Variants in XPO7 observed in about 807,000 individuals in gnomAD.
XPO7 encodes exportin-7.
In XPO7, 21 loss-of-function variants were observed where a neutral mutation model predicts 144.3. The ratio of observed to expected loss-of-function variants is 0.15; its 90% CI spans 0.10 to 0.21. The LOEUF (loss-of-function observed/expected upper bound fraction) is 0.21, where lower values mean the gene tolerates loss of function less well. Among genes scored for constraint, XPO7 ranks in the 10% least tolerant of loss-of-function variants. The pLI, the probability that XPO7 is intolerant of heterozygous loss-of-function variation, is 1.00. For synonymous variants in XPO7, 580 were observed against 499.6 expected (o/e 1.16, Z -2.15); for missense variants, 808 against 1,325.8 (o/e 0.61, Z 6.06).
At chr8:21,969,026 A>G (rs961040540) in intron 2 of XPO7, among the ~76,000 whole-genome samples, 1 of 152,244 alleles carries the variant, frequency 6.6e-6, no homozygotes, top group Admixed American at 6.5e-5. Flanking sequence ...ACTATACAGC[A>G]TAGTGTGATG....
At chr8:21,922,921 T>C (rs1810336290) in intron 1 of XPO7, among the ~76,000 whole-genome samples, 1 of 152,188 alleles carries the variant, frequency 6.6e-6, no homozygotes, top group Non-Finnish European at 1.5e-5. Context: ...GCACAGTAAT[T>C]AAATATTGAC....
rs145630580 is a variant in XPO7, at chr8:21,968,124, T to TTG, written c.165+1130_165+1131dup. 5.9e-3 allele frequency among the ~76,000 whole-genome samples: 897 copies of TTG among 152,280 alleles called. 7 individuals carry two copies. The highest frequency in any genetic ancestry group is 0.02 in the African/African-American group (823 of 41,556). ...AAGGCACATATATTAGCCATCATTC[T>TTG]TGTGTGTGTGGAAAAAGGTGAAAAT... is the stretch of plus-strand genomic sequence containing the variant. On this transcript the variant is annotated intron_variant, in intron 2 of 27. Transcript: ENST00000252512.
intron 7 of XPO7, among the ~76,000 whole-genome samples, chr8:21,977,405 C>T (rs1051110766): frequency 1.3e-5 from 2 of 152,034 alleles, no homozygotes; most frequent in East Asian, 3.9e-4. Flanking sequence ...ATGGTGAAAC[C>T]CCGTCTCTAC....
intron 1 of XPO7, among the ~76,000 whole-genome samples, chr8:21,921,239 G>A (rs1012482064): frequency 6.6e-6 from 1 of 152,110 alleles, no homozygotes; most frequent in Non-Finnish European, 1.5e-5. Context: ...AAAAATTCTT[G>A]GATCTTACAA....
chr8:21,966,627 T>C (rs1382094635), intron 1 of XPO7, among the ~76,000 whole-genome samples: 1 of 98,776 alleles, frequency 1.0e-5, no homozygotes, highest in African/African-American at 5.3e-5. Flanking sequence ...CTCAAGGGAA[T>C]GATGAAAAAG....
At chr8:21,973,305 A>G (rs1180850552) in intron 5 of XPO7, among the ~76,000 whole-genome samples, 1 of 152,258 alleles carries the variant, frequency 6.6e-6, no homozygotes, top group Non-Finnish European at 1.5e-5. Flanking sequence ...TGATATATGT[A>G]TAATAAAAAA....
intron 5 of XPO7, among the ~76,000 whole-genome samples, chr8:21,972,490 A>C (rs1812099008): frequency 6.6e-6 from 1 of 152,162 alleles, no homozygotes; most frequent in South Asian, 2.1e-4. Context: ...AAAAAGCAAA[A>C]TACTACTGCC....
In XPO7 at chr8:21,979,723, T is replaced by A. The variant is rs537153935; in HGVS notation, c.838-361T>A. 6.6e-5 allele frequency among the ~76,000 whole-genome samples: 10 copies of A among 152,330 alleles called. No homozygotes were observed. In the East Asian group the frequency reaches 1.5e-3, roughly 24 times the overall value. On this transcript the variant is annotated intron_variant, in intron 8 of 27. Coordinates refer to ENST00000252512, the MANE Select transcript of XPO7 (RefSeq NM_015024.5). Reference sequence around the variant, plus strand: ...CACCCGGCCGATACGCTTATTTCTTTATAGCATGTAATGACATAAGCACAT... The same window carrying A: ...CACCCGGCCGATACGCTTATTTCTTAATAGCATGTAATGACATAAGCACAT...
intron 1 of XPO7, among the ~76,000 whole-genome samples, chr8:21,954,112 A>G (rs916213019): frequency 4.6e-5 from 7 of 152,204 alleles, no homozygotes; most frequent in Non-Finnish European, 7.3e-5. Context: ...CCTAAGTACA[A>G]TTGTTTGAAT....
chr8:21,930,394 A>G (rs776862839), intron 1 of XPO7, among the ~76,000 whole-genome samples: 9 of 152,326 alleles, frequency 5.9e-5, no homozygotes, highest in East Asian at 5.8e-4. Context: ...ATGTATGCCA[A>G]TAAGGGTTAT....
At chr8:21,985,377 T>C (rs953169984) in intron 12 of XPO7, among the ~76,000 whole-genome samples, 1 of 152,220 alleles carries the variant, frequency 6.6e-6, no homozygotes, top group African/African-American at 2.4e-5. Context: ...CTAAAAATAA[T>C]GGCCTTGTCT....
At chr8:21,944,535 CCA>C in intron 1 of XPO7, among the ~76,000 whole-genome samples, 1 of 151,938 alleles carries the variant, frequency 6.6e-6, no homozygotes, top group Non-Finnish European at 1.5e-5. Context: ...CCACTGTACT[CCA>C]GCCTGGGCGA....
intron 21 of XPO7, 61 bp from the exon 22 acceptor site, chr8:21,998,694 A>G: frequency 6.8e-7 from 1 of 1,460,390 alleles, no homozygotes. Context: ...GAGAGCCTCA[A>G]GTACCCCAGT....
At chr8:21,925,789 C>T (rs1214879101) in intron 1 of XPO7, among the ~76,000 whole-genome samples, 3 of 152,104 alleles carry the variant, frequency 2.0e-5, no homozygotes, top group Non-Finnish European at 2.9e-5. Flanking sequence ...AATATAGCAC[C>T]GTGTTCTCAA....
intron 7 of XPO7, among the ~76,000 whole-genome samples, chr8:21,976,840 G>A (rs1226787087): frequency 6.6e-6 from 1 of 152,114 alleles, no homozygotes; most frequent in Non-Finnish European, 1.5e-5. Flanking sequence ...TTTATGTTTT[G>A]TAGAAGTGGG....
chr8:21,930,271 C>A (rs191658885), intron 1 of XPO7, among the ~76,000 whole-genome samples: 27 of 152,228 alleles, frequency 1.8e-4, no homozygotes, highest in African/African-American at 6.0e-4. Context: ...GTAAACATTC[C>A]CTCATTTGGC....
At chr8:21,939,828 AAGG>A (rs1389697796) in intron 1 of XPO7, among the ~76,000 whole-genome samples, 1 of 152,268 alleles carries the variant, frequency 6.6e-6, no homozygotes, top group African/African-American at 2.4e-5. Flanking sequence ...TCTGAAAACC[AAGG>A]AGAATTCATT....
intron 11 of XPO7, among the ~76,000 whole-genome samples, chr8:21,983,379 T>C (rs1211922842): frequency 6.6e-6 from 1 of 152,226 alleles, no homozygotes; most frequent in Non-Finnish European, 1.5e-5. Context: ...TTAAATGAAG[T>C]TATAGCCCTG....
Position 21,994,373 on chromosome 8 carries a change from T to G in XPO7, c.2159T>G (p.Val720Gly). The G allele has an allele frequency of 1.9e-6, 3 of 1,612,092 alleles. No individual in the cohort carries two copies. Among genetic ancestry groups the G allele is most frequent in the Non-Finnish European group, 2.5e-6 (3 of 1,178,536 alleles). Residue 720 changes from valine (V) to glycine (G), a missense_variant, in exon 20 of 28, where the codon GTT becomes GGT. Transcript: ENST00000252512. ...TGCCTTCTACTACAGCGAACTCTAG[T>G]TGGCCTAGTAAGAGACCTGAGAGGG... ...FNEQEAKRTL[V>G]GLVRDLRGIA...
Sources: allele counts gnomAD v4.1 joint callset (sites outside exome capture counted in the v4.1 genomes callset), GRCh38; gene constraint gnomAD v4.1.1; transcripts MANE v1.5; gene names NCBI Gene and HGNC (gene_info 2026-07-23, HGNC 2026-07-21).